DNAJC24: variants seen among roughly 807,000 people sequenced by gnomAD.
DNAJC24 encodes dnaJ homolog subfamily C member 24.
Under a neutral mutation model 18.0 loss-of-function variants are expected in DNAJC24, and 17 were observed. The ratio of observed to expected loss-of-function variants is 0.94; its 90% CI spans 0.65 to 1.42. The LOEUF (loss-of-function observed/expected upper bound fraction) is 1.42. DNAJC24 is among the 40% of genes most tolerant of loss of function. The pLI, the probability that DNAJC24 is intolerant of heterozygous loss-of-function variation, is 0.00. For synonymous variants in DNAJC24, 55 were observed against 57.7 expected, an observed-to-expected ratio of 0.95 and a Z score of 0.21; for missense variants, 158 against 175.6, an observed-to-expected ratio of 0.90 and a Z score of 0.57.
chr11:31,397,360 C>A (rs1486049809), intron 2 of DNAJC24, among the ~76,000 whole-genome samples: 1 of 152,076 alleles, frequency 6.6e-6, no homozygotes, highest in East Asian at 1.9e-4. Context: ...ATTTTAAAAA[C>A]CATGTTTCAT....
At chr11:31,375,021 A>T (rs1952299565) in intron 2 of DNAJC24, among the ~76,000 whole-genome samples, 1 of 133,824 alleles carries the variant, frequency 7.5e-6, no homozygotes, top group African/African-American at 2.5e-5. Flanking sequence ...TTTCAGAGGG[A>T]TGAAAGTGTG....
At chr11:31,377,186 A>G (rs1334360151) in intron 2 of DNAJC24, among the ~76,000 whole-genome samples, 1 of 152,136 alleles carries the variant, frequency 6.6e-6, no homozygotes, top group Admixed American at 6.5e-5. Flanking sequence ...TTTGAATTTA[A>G]CACCTCCTGC....
In DNAJC24 at chr11:31,426,370, TTC is replaced by T; in HGVS notation, c.319+19_319+20del. 1 of 1,454,800 alleles carries T rather than the reference TTC, an allele frequency of 6.9e-7. No homozygotes were observed. Among genetic ancestry groups the T allele is most frequent in the Non-Finnish European group, 9.3e-7 (1 of 1,073,630 alleles). 90.1% of individuals were successfully genotyped at this position (1,454,800 alleles called of 1,614,324 possible). A position where few individuals can be genotyped will look rare whatever the true frequency, so the allele number is the denominator to read the frequency against. ...TTGGAATGAAGGTTGGATTTTTTTTTTCTCTTGACAACATTTAAAAAAAAAAG... is the reference window on the plus strand; with the variant it reads ...TTGGAATGAAGGTTGGATTTTTTTTTTCTTGACAACATTTAAAAAAAAAAG... On this transcript the variant is annotated intron_variant, in intron 4 of 4. Transcript: ENST00000465995.
chr11:31,375,324 C>A (rs1372062482), intron 2 of DNAJC24, among the ~76,000 whole-genome samples: 1 of 135,500 alleles, frequency 7.4e-6, no homozygotes, highest in Non-Finnish European at 1.7e-5. Flanking sequence ...TCAAAATGAT[C>A]TTAGTTGTAA....
At chr11:31,377,152 T>C (rs1396528537) in intron 2 of DNAJC24, among the ~76,000 whole-genome samples, 2 of 152,284 alleles carry the variant, frequency 1.3e-5, no homozygotes, top group East Asian at 3.9e-4. Context: ...ACGTATTACA[T>C]GTAATTTTCT....
intron 3 of DNAJC24, among the ~76,000 whole-genome samples, chr11:31,419,943 T>C (rs1312307063): frequency 6.6e-6 from 1 of 152,098 alleles, no homozygotes; most frequent in African/African-American, 2.4e-5. Context: ...ATTATTTCCA[T>C]AGCCACTAAT....
intron 2 of DNAJC24, among the ~76,000 whole-genome samples, chr11:31,401,116 AC>A (rs771577061): frequency 5.3e-5 from 8 of 152,236 alleles, no homozygotes; most frequent in Non-Finnish European, 1.0e-4. Flanking sequence ...TGGCCAAGAA[AC>A]ATGAAAAAAA....
At chr11:31,375,528 C>T (rs537588976) in intron 2 of DNAJC24, among the ~76,000 whole-genome samples, 2 of 134,000 alleles carry the variant, frequency 1.5e-5, no homozygotes, top group African/African-American at 5.0e-5. Context: ...GAAGTGGCCA[C>T]GGAAAAGCTT....
chr11:31,417,792 C>T (rs780668384), intron 3 of DNAJC24, among the ~76,000 whole-genome samples: 1 of 151,998 alleles, frequency 6.6e-6, no homozygotes, highest in Non-Finnish European at 1.5e-5. Flanking sequence ...CATGTTGGTG[C>T]TCTGTCTTAA....
chr11:31,420,295 C>A (rs1489398990), intron 3 of DNAJC24, among the ~76,000 whole-genome samples: 2 of 152,022 alleles, frequency 1.3e-5, no homozygotes, highest in Non-Finnish European at 2.9e-5. Flanking sequence ...AACTTAGGTC[C>A]TTCCATCTCC....
intron 2 of DNAJC24, among the ~76,000 whole-genome samples, chr11:31,413,383 T>G (rs1436310307): frequency 4.8e-5 from 7 of 144,862 alleles, no homozygotes; most frequent in African/African-American, 1.8e-4. Context: ...CAGGCTGGAG[T>G]GCAGTGGTGC....
chr11:31,423,620 T>C (rs1952831828), intron 3 of DNAJC24, among the ~76,000 whole-genome samples: 1 of 152,142 alleles, frequency 6.6e-6, no homozygotes, highest in Non-Finnish European at 1.5e-5. Flanking sequence ...CCCACCATCA[T>C]AGGGTAGTTT....
chr11:31,390,076 A>G (rs1473348947), intron 2 of DNAJC24, among the ~76,000 whole-genome samples: 1 of 152,194 alleles, frequency 6.6e-6, no homozygotes, highest in African/African-American at 2.4e-5. Flanking sequence ...AAACCTGAAC[A>G]GACCAATAAT....
intron 2 of DNAJC24, chr11:31,384,877 T>A (rs1359151594): frequency 6.6e-6 from 1 of 152,166 alleles, no homozygotes; most frequent in Admixed American, 6.6e-5. Flanking sequence ...AATAAGCATA[T>A]TAGATACTTA....
At chr11:31,382,784 C>T (rs1952389223) in intron 2 of DNAJC24, among the ~76,000 whole-genome samples, 1 of 152,144 alleles carries the variant, frequency 6.6e-6, no homozygotes, top group African/African-American at 2.4e-5. Flanking sequence ...AGTTCTGACA[C>T]TGTTTACCTG....
intron 4 of DNAJC24, 69 bp from the exon 5 acceptor site, chr11:31,430,202 A>C: frequency 5.9e-6 from 8 of 1,364,458 alleles, no homozygotes; most frequent in Non-Finnish European, 8.0e-6. Flanking sequence ...TAAACTCTGC[A>C]CCTTTTAAGG....
chr11:31,399,778 T>A (rs1952582752), intron 2 of DNAJC24, among the ~76,000 whole-genome samples: 1 of 134,530 alleles, frequency 7.4e-6, no homozygotes, highest in African/African-American at 2.8e-5. Context: ...AGCTCCAGGA[T>A]ACATATGCAG....
At chr11:31,388,595 C>G (rs1474677409) in intron 2 of DNAJC24, among the ~76,000 whole-genome samples, 1 of 152,124 alleles carries the variant, frequency 6.6e-6, no homozygotes, top group Non-Finnish European at 1.5e-5. Context: ...TCAACCAGAC[C>G]TGTCCTACAA....
intron 2 of DNAJC24, 51 bp downstream of exon 2, chr11:31,370,910 T>G (rs750578945): frequency 2.9e-5 from 36 of 1,222,256 alleles, no homozygotes; most frequent in Non-Finnish European, 3.8e-5. Context: ...AAATCAATTT[T>G]TATATGAAAC....
Sources: allele counts gnomAD v4.1 joint callset (sites outside exome capture counted in the v4.1 genomes callset), GRCh38; gene constraint gnomAD v4.1.1; transcripts MANE v1.5; gene names NCBI Gene and HGNC (gene_info 2026-07-23, HGNC 2026-07-21).